The following CFAP20DC variants were observed in gnomAD, a reference collection of about 807,000 sequenced individuals.
The protein encoded by CFAP20DC is CFAP20 domain containing.
Under a neutral mutation model 101.7 loss-of-function variants are expected in CFAP20DC, and 84 were observed. That is an observed-to-expected ratio of 0.83 (90% confidence interval 0.69 to 0.99). The LOEUF is 0.99. Among genes scored for constraint, CFAP20DC ranks in the 50% least tolerant of loss-of-function variants. The pLI, the probability that CFAP20DC is intolerant of heterozygous loss-of-function variation, is 0.00. For missense variants in CFAP20DC, 1,007 were observed against 970.3 expected (o/e 1.04, Z -0.50); for synonymous variants, 359 against 351.2 (o/e 1.02, Z -0.25).
intron 4 of CFAP20DC, among the ~76,000 whole-genome samples, chr3:59,032,048 G>A (rs558692796): frequency 3.3e-5 from 5 of 152,272 alleles, no homozygotes; most frequent in Non-Finnish European, 7.4e-5. Context: ...CAAGGAGGGC[G>A]AGCCAAAGCA....
At chr3:58,790,407 G>A (rs1399962) in intron 15 of CFAP20DC, among the ~76,000 whole-genome samples, 7,793 of 152,306 alleles carry the variant, frequency 0.051, 341 homozygotes, top group Admixed American at 0.13. Context: ...AATGGGAACA[G>A]GCATTCCTGT....
chr3:58,932,393 C>G (rs1451210696), intron 5 of CFAP20DC, among the ~76,000 whole-genome samples: 1 of 151,942 alleles, frequency 6.6e-6, no homozygotes, highest in Non-Finnish European at 1.5e-5. Flanking sequence ...GCAAGGCAGG[C>G]CAACATTCAG....
At chr3:58,939,914 G>A (rs7650595) in intron 4 of CFAP20DC, among the ~76,000 whole-genome samples, 7 of 151,798 alleles carry the variant, frequency 4.6e-5, no homozygotes, top group Admixed American at 2.6e-4. Flanking sequence ...TTACCAGCGC[G>A]TGACATTATG....
At position 59,007,658 on chromosome 3, in the gene CFAP20DC, C is replaced by G. The variant is rs2093469339; in HGVS notation, c.278+31899G>C. Among the ~76,000 whole-genome samples, 1 of 152,176 alleles carries G rather than the reference C, an allele frequency of 6.6e-6. No individual in the cohort carries two copies. The highest frequency in any genetic ancestry group is 2.4e-5 in the African/African-American group (1 of 41,446). On this transcript the variant is annotated intron_variant, in intron 4 of 16. Transcript: ENST00000482387. This position sits in a 1 kb window ranked among gnomAD's most constrained non-coding sequence, Gnocchi z 4.4. ...ACCAGAGCAGGTGCTGGTATCATGG[C>G]TGGGAGACCTGACGACAGATCACAT...
Position 58,863,104 on chromosome 3 carries a change from A to T in CFAP20DC, c.1593+454T>A, listed in dbSNP as rs1003342766. 1.8e-5 allele frequency: 18 copies of T among 1,004,198 alleles called. No individual in the cohort carries two copies. The highest frequency in any genetic ancestry group is 1.9e-5 in the Non-Finnish European group (16 of 843,146). The allele number at this position is 1,004,198 out of a possible 1,614,324, so 62.2% of individuals were successfully genotyped here. A position where few individuals can be genotyped will look rare whatever the true frequency, so the allele number is the denominator to read the frequency against. ...CTTCAAATTCTGGGACCATATGGAAAATAATGAGTCCTAATAGGTCTAAGG... is the reference window on the plus strand; with the variant it reads ...CTTCAAATTCTGGGACCATATGGAATATAATGAGTCCTAATAGGTCTAAGG... On this transcript the variant is annotated intron_variant, in intron 12 of 16. Transcript: ENST00000482387. This position sits in a 1 kb window ranked among gnomAD's most constrained non-coding sequence, Gnocchi z 5.9.
At position 59,041,713 on chromosome 3, in the gene CFAP20DC, CT is replaced by C. The variant is rs142832319; in HGVS notation, c.206-2085del. 4.8e-3 allele frequency among the ~76,000 whole-genome samples: 725 copies of C among 152,176 alleles called. 4 individuals carry two copies. The highest frequency in any genetic ancestry group is 0.014 in the South Asian group (67 of 4,812). Reference sequence around the variant, plus strand: ...TTGTCTGTCAGAAACAAACTACCTACTTTTTTTCTCCCACTTCAACACACAA... The same window carrying C: ...TTGTCTGTCAGAAACAAACTACCTACTTTTTTCTCCCACTTCAACACACAA... On this transcript the variant is annotated intron_variant, in intron 3 of 16. Transcript: ENST00000482387.
At chr3:58,793,109 G>C (rs1327937731) in intron 15 of CFAP20DC, among the ~76,000 whole-genome samples, 1 of 152,100 alleles carries the variant, frequency 6.6e-6, no homozygotes, top group African/African-American at 2.4e-5. Context: ...TGTAAGCCAA[G>C]TGCTTTATTA....
chr3:58,737,224 T>A (rs1193424051), downstream of CFAP20DC: 1 of 456,236 alleles, frequency 2.2e-6, no homozygotes, highest in East Asian at 7.0e-5. The surrounding 1 kb of genome is among the most constrained non-coding windows in gnomAD (Gnocchi z 4.1). Flanking sequence ...GTGTGAAATA[T>A]CTGGGCAAAG....
intron 12 of CFAP20DC, among the ~76,000 whole-genome samples, chr3:58,855,986 A>T (rs1007592051): frequency 3.8e-4 from 57 of 150,044 alleles, no homozygotes; most frequent in African/African-American, 1.1e-3. Flanking sequence ...AAAGTATAAT[A>T]AAAAAAAATA....
chr3:58,949,666 C>A (rs1362392431), intron 4 of CFAP20DC, among the ~76,000 whole-genome samples: 1 of 152,106 alleles, frequency 6.6e-6, no homozygotes, highest in Non-Finnish European at 1.5e-5. Flanking sequence ...ATGACAAAAA[C>A]CATATGATTA....
chr3:58,951,770 G>A (rs533287097), intron 4 of CFAP20DC, among the ~76,000 whole-genome samples: 1 of 151,944 alleles, frequency 6.6e-6, no homozygotes, highest in Admixed American at 6.6e-5. Context: ...GGTGGGGGGA[G>A]AGGGGAGGGA....
At chr3:58,849,896 G>A (rs2078070791) in intron 12 of CFAP20DC, among the ~76,000 whole-genome samples, 1 of 152,134 alleles carries the variant, frequency 6.6e-6, no homozygotes, top group Non-Finnish European at 1.5e-5. Flanking sequence ...TTACCTTATT[G>A]TAGGGCAGTT....
rs1374826659 is a variant in CFAP20DC at position 58,721,735 on chromosome 3, G to T, written c.198-4107C>A. On this transcript the variant is annotated intron_variant, in intron 3 of 3. Transcript: ENST00000486145. The surrounding 1 kb of genome is among the most constrained non-coding windows in gnomAD (Gnocchi z 5.2). Reference sequence around the variant, plus strand: ...CAGCATCTAATTTGTGGATTGAATGGGAAGGGATTTTCCCAGAGATTTCTG... The same window carrying T: ...CAGCATCTAATTTGTGGATTGAATGTGAAGGGATTTTCCCAGAGATTTCTG... Among the ~76,000 whole-genome samples the T allele has an allele frequency of 6.6e-6, 1 of 152,184 alleles. No homozygotes were observed. Among genetic ancestry groups the T allele is most frequent in the African/African-American group, 2.4e-5 (1 of 41,444 alleles).
chr3:58,937,830 A>T, intron 4 of CFAP20DC, 68 bp from the exon 5 acceptor site: 1 of 843,742 alleles, frequency 1.2e-6, no homozygotes, highest in Non-Finnish European at 2.0e-6. Context: ...TTGGATAATC[A>T]TCAAAATGAT....
At chr3:59,049,337 G>A (rs1200217034) in intron 1 of CFAP20DC, among the ~76,000 whole-genome samples, 2 of 152,170 alleles carry the variant, frequency 1.3e-5, no homozygotes, top group East Asian at 1.9e-4. Flanking sequence ...TTTCAGTGGG[G>A]CTTAAGATCT....
At chr3:58,975,290 A>C (rs2092212278) in intron 4 of CFAP20DC, among the ~76,000 whole-genome samples, 1 of 152,160 alleles carries the variant, frequency 6.6e-6, no homozygotes, top group African/African-American at 2.4e-5. Context: ...TACTTACCAC[A>C]ATTTGTAACT....
chr3:58,932,362 C>T (rs530906268), intron 5 of CFAP20DC, among the ~76,000 whole-genome samples: 3 of 152,190 alleles, frequency 2.0e-5, no homozygotes, highest in African/African-American at 7.2e-5. Context: ...GGATATTATC[C>T]AGGAGAACTT....
intron 1 of CFAP20DC, among the ~76,000 whole-genome samples, chr3:59,048,983 C>A (rs961409472): frequency 2.6e-5 from 4 of 152,164 alleles, no homozygotes; most frequent in African/African-American, 9.7e-5. Flanking sequence ...ATAGGAATCA[C>A]TTGGGGGAAC....
intron 4 of CFAP20DC, among the ~76,000 whole-genome samples, chr3:59,030,007 A>C (rs551065338): frequency 4.6e-5 from 7 of 152,320 alleles, no homozygotes; most frequent in African/African-American, 1.7e-4. Context: ...CATGGGAGAC[A>C]TAGAAAGATG....
Sources: allele counts gnomAD v4.1 joint callset (sites outside exome capture counted in the v4.1 genomes callset), GRCh38; gene constraint gnomAD v4.1.1; non-coding constraint Gnocchi (gnomAD v3.1); transcripts MANE v1.5; gene names NCBI Gene and HGNC (gene_info 2026-07-23, HGNC 2026-07-21).